ZNF623: variants seen among roughly 807,000 people sequenced by gnomAD.
The protein encoded by ZNF623 is zinc finger protein 623.
Under a neutral mutation model 24.0 loss-of-function variants are expected in ZNF623, and 16 were observed. The observed-to-expected ratio is 0.67, with a 90% CI of 0.45 to 1.01. ZNF623 has a LOEUF of 1.01. Ranked by LOEUF, ZNF623 falls within the 50% of genes least tolerant of loss-of-function variation. The pLI, the probability that ZNF623 is intolerant of heterozygous loss-of-function variation, is 0.00. For synonymous variants in ZNF623, 224 were observed against 219.8 expected (o/e 1.02, Z -0.17); for missense variants, 566 against 606.5 (o/e 0.93, Z 0.70).
Position 143,652,132 on chromosome 8 carries a change from A to G in ZNF623, c.*649A>G, listed in dbSNP as rs942747291. 3 of 167,252 alleles carry G rather than the reference A, an allele frequency of 1.8e-5. No individual in the cohort carries two copies. The highest frequency in any genetic ancestry group is 1.9e-4 in the East Asian group (1 of 5,198). The allele number at this position is 167,252 out of a possible 1,614,324, so 10.4% of individuals were successfully genotyped here. The stretch of plus-strand genomic sequence containing the variant: ...CTTCTCAGCTAATTAACTCTGAATC[A>G]TGGTTCAAGACAAGCCTCAGGCATC... On this transcript the variant is annotated 3_prime_UTR_variant, in exon 2 of 2. Coordinates refer to ENST00000526926, the MANE Select transcript of ZNF623 (RefSeq NM_001261843.2).
chr8:143,651,603 G>A lies in ZNF623; in HGVS notation c.*120G>A. On this transcript the variant is annotated 3_prime_UTR_variant, in exon 2 of 2. Coordinates refer to ENST00000526926, the MANE Select transcript of ZNF623 (RefSeq NM_001261843.2). ...AGTCATGGATGGGGCTGCTTTTGCAGTGGGTGCCACCTGCCACTGTGCAGC... is the reference window on the plus strand; with the variant it reads ...AGTCATGGATGGGGCTGCTTTTGCAATGGGTGCCACCTGCCACTGTGCAGC... 8.4e-7 allele frequency: 1 copy of A among 1,187,028 alleles called. No homozygotes were observed. Among genetic ancestry groups the A allele is most frequent in the Non-Finnish European group, 1.2e-6 (1 of 850,244 alleles). 73.5% of individuals were successfully genotyped at this position (1,187,028 alleles called of 1,614,324 possible).
At chr8:143,649,599 A>G (rs945411052) in intron 1 of ZNF623, 163 of 443,964 alleles carry the variant, frequency 3.7e-4, no homozygotes, top group Non-Finnish European at 3.1e-4. Context: ...AATGGAGTTC[A>G]AGCATATCCC....
Position 143,650,868 on chromosome 8 carries a change from A to C in ZNF623, c.876A>C (p.Ser292=). ...NECGKAFIRS[S]KLIQHQRIHT... is the part of the protein sequence containing the mutation. ...GTGGGAAAGCCTTTATTCGGAGTTC[A>C]AAGCTCATTCAGCATCAGAGGATCC... Residue 292 remains serine (S), a synonymous_variant, in exon 2 of 2, where the codon TCA becomes TCC. Transcript: ENST00000526926. This position sits in a 1 kb window ranked among gnomAD's most constrained non-coding sequence, Gnocchi z 5.2. The C allele has an allele frequency of 6.2e-7, 1 of 1,614,126 alleles. No individual in the cohort carries two copies. The highest frequency in any genetic ancestry group is 8.5e-7 in the Non-Finnish European group (1 of 1,180,018).
chr8:143,644,514 T>G (rs1012545780), intron 1 of ZNF623, among the ~76,000 whole-genome samples: 3 of 152,120 alleles, frequency 2.0e-5, no homozygotes, highest in African/African-American at 7.2e-5. Context: ...GAGAAGGTTC[T>G]TGAGGCGAGA....
intron 1 of ZNF623, among the ~76,000 whole-genome samples, chr8:143,642,524 A>G (rs1214822298): frequency 1.3e-5 from 2 of 152,166 alleles, no homozygotes; most frequent in African/African-American, 4.8e-5. Flanking sequence ...CGTTTGATGC[A>G]AGAGGCCCGG....
chr8:143,642,085 G>A (rs527585113), intron 1 of ZNF623, among the ~76,000 whole-genome samples: 5 of 152,264 alleles, frequency 3.3e-5, no homozygotes, highest in South Asian at 2.1e-4. Flanking sequence ...AATAGAAAGC[G>A]GTTTTATCCA....
chr8:143,649,854 C>G (rs1563701414), intron 1 of ZNF623, 44 bp from the exon 2 acceptor site: 1 of 1,579,772 alleles, frequency 6.3e-7, no homozygotes. Flanking sequence ...AGATCCCCAT[C>G]TGTTAAGTAA....
At position 143,650,565 on chromosome 8, in the gene ZNF623, A is replaced by T; in HGVS notation, c.573A>T (p.Arg191Ser). ...DLIRHQRVHTRERPFECKECG... is the reference protein window; with the variant it reads ...DLIRHQRVHTSERPFECKECG... ...TTAGGCACCAGAGAGTTCACACCAG[A>T]GAGAGACCTTTTGAATGCAAAGAGT... Residue 191 changes from arginine to serine, a missense_variant, in exon 2 of 2, where the codon AGA becomes AGT. By Grantham distance (110) the Arg-to-Ser change is moderately radical. Coordinates refer to ENST00000526926, the MANE Select transcript of ZNF623 (RefSeq NM_001261843.2). This position sits in a 1 kb window ranked among gnomAD's most constrained non-coding sequence, Gnocchi z 5.2. The T allele has an allele frequency of 6.2e-7, 1 of 1,614,122 alleles. No homozygotes were observed.
In ZNF623 at chr8:143,651,417, G is replaced by A. The variant is rs1366169687; in HGVS notation, c.1425G>A (p.Leu475=). The part of the protein sequence containing the change: ...NQRVHQEGLS[L]SKAPIHLGER... ...GGGTTCACCAAGAGGGACTCTCCTT[G>A]AGTAAGGCCCCCATACATTTGGGTG... Residue 475 remains leucine (L), a synonymous_variant, in exon 2 of 2, where the codon TTG becomes TTA. Coordinates refer to ENST00000526926, the MANE Select transcript of ZNF623 (RefSeq NM_001261843.2). The A allele has an allele frequency of 1.9e-6, 3 of 1,612,868 alleles. No individual in the cohort carries two copies. The Admixed American group carries it at 5.0e-5, about 27-fold the overall frequency.
At position 143,651,316 on chromosome 8, in the gene ZNF623, A is replaced by G. The variant is rs1363395280; in HGVS notation, c.1324A>G (p.Thr442Ala). 1.2e-6 allele frequency: 2 copies of G among 1,614,082 alleles called. No individual in the cohort carries two copies. Among genetic ancestry groups the G allele is most frequent in the Admixed American group, 1.7e-5 (1 of 60,002 alleles). The change falls in exon 2 of 2, where the codon ACT (threonine) becomes GCT (alanine). Residue 442 changes from threonine to alanine, a missense_variant. Around this residue, in one of 3 missense-constraint regions of ZNF623, gnomAD observed 136 missense variants for 131.9 expected, o/e 1.03. Transcript: ENST00000526926. The stretch of plus-strand genomic sequence containing the variant: ...CTTCCTTCAACACCAGAAAATTCAT[A>G]CTGAAGAGAAGCTCTATGAATGTAG... ...SNFLQHQKIH[T>A]EEKLYECSQY...
At chr8:143,649,748 C>T in intron 1 of ZNF623, 150 bp from the exon 2 acceptor site, 4 of 955,936 alleles carry the variant, frequency 4.2e-6, no homozygotes, top group Non-Finnish European at 6.1e-6. Context: ...GGGTGTGAGA[C>T]CAGAGCTGTG....
intron 1 of ZNF623, among the ~76,000 whole-genome samples, chr8:143,647,539 GA>G (rs1815203438): frequency 1.3e-5 from 2 of 152,318 alleles, no homozygotes; most frequent in Non-Finnish European, 2.9e-5. Flanking sequence ...GGACATCTAG[GA>G]GTGAACCCTG....
chr8:143,637,119 GGCT>G (rs1814942049), intron 1 of ZNF623, among the ~76,000 whole-genome samples: 2 of 152,230 alleles, frequency 1.3e-5, no homozygotes, highest in South Asian at 4.1e-4. Flanking sequence ...GTTGACAGCT[GGCT>G]CCAGTTCTCT....
At chr8:143,648,420 G>A (rs1029082625) in intron 1 of ZNF623, among the ~76,000 whole-genome samples, 9 of 152,258 alleles carry the variant, frequency 5.9e-5, no homozygotes, top group Non-Finnish European at 1.3e-4. Flanking sequence ...GAGCCCTACT[G>A]TAGTAGGCTC....
intron 1 of ZNF623, among the ~76,000 whole-genome samples, chr8:143,643,161 C>T (rs1409522037): frequency 6.6e-6 from 1 of 152,222 alleles, no homozygotes; most frequent in African/African-American, 2.4e-5. Flanking sequence ...GGCTCCTGCT[C>T]ACAGCCAGTA....
chr8:143,649,431 T>G (rs1460489144), intron 1 of ZNF623, among the ~76,000 whole-genome samples: 1 of 152,014 alleles, frequency 6.6e-6, no homozygotes, highest in East Asian at 1.9e-4. Flanking sequence ...GGAGGGTGAT[T>G]CTCATGCAAC....
At chr8:143,639,613 C>T (rs531094275) in intron 1 of ZNF623, among the ~76,000 whole-genome samples, 20 of 152,292 alleles carry the variant, frequency 1.3e-4, no homozygotes, top group African/African-American at 4.6e-4. Flanking sequence ...CCTCAGCCTC[C>T]CAAAGTGCTG....
Position 143,650,874 on chromosome 8 carries a change from C to G in ZNF623, c.882C>G (p.Leu294=), listed in dbSNP as rs1268554479. The change falls in exon 2 of 2, where the codon CTC becomes CTG. Residue 294 remains leucine, a synonymous_variant. Coordinates refer to ENST00000526926, the MANE Select transcript of ZNF623 (RefSeq NM_001261843.2). The surrounding 1 kb of genome is among the most constrained non-coding windows in gnomAD (Gnocchi z 5.2). ...CGKAFIRSSK[L]IQHQRIHTGE... ...AAGCCTTTATTCGGAGTTCAAAGCT[C>G]ATTCAGCATCAGAGGATCCATACTG... 5.0e-6 allele frequency: 8 copies of G among 1,613,996 alleles called. No individual in the cohort carries two copies. Among genetic ancestry groups the G allele is most frequent in the Non-Finnish European group, 5.1e-6 (6 of 1,180,012 alleles).
At chr8:143,643,783 T>A (rs1247548676) in intron 1 of ZNF623, among the ~76,000 whole-genome samples, 1 of 152,252 alleles carries the variant, frequency 6.6e-6, no homozygotes, top group Non-Finnish European at 1.5e-5. Flanking sequence ...GCACTTCGTC[T>A]GTTGTGAGGT....
Sources: allele counts gnomAD v4.1 joint callset (sites outside exome capture counted in the v4.1 genomes callset), GRCh38; gene constraint gnomAD v4.1.1; regional missense constraint gnomAD v4.1.1; non-coding constraint Gnocchi (gnomAD v3.1); transcripts MANE v1.5; gene names NCBI Gene and HGNC (gene_info 2026-07-23, HGNC 2026-07-21).